HERC3: variants seen among roughly 807,000 people sequenced by gnomAD.
The protein encoded by HERC3 is HECT and RLD domain containing E3 ubiquitin protein ligase 3.
A neutral mutation model predicts 129.9 loss-of-function variants in HERC3; 58 were observed. The ratio of observed to expected loss-of-function variants is 0.45; its 90% CI spans 0.36 to 0.56. The LOEUF is 0.56. HERC3 is among the 20% of genes least tolerant of loss of function. The pLI is 0.00. For synonymous variants in HERC3, 430 were observed against 451.0 expected (o/e 0.95, Z 0.59); for missense variants, 835 against 1,244.2 (o/e 0.67, Z 4.95).
In HERC3 at chr4:88,662,422, A is replaced by T; in HGVS notation, c.1147-9A>T. ...TTTCTTCTTTTTACTGTTACATTTA[A>T]TTCTCCAGAATTATTCTCCTGCTGT... On this transcript the variant is annotated splice_polypyrimidine_tract_variant and intron_variant, in intron 10 of 25. Coordinates refer to ENST00000402738, the MANE Select transcript of HERC3 (RefSeq NM_014606.3). The T allele has an allele frequency of 6.2e-7, 1 of 1,600,086 alleles. No individual in the cohort carries two copies. Among genetic ancestry groups the T allele is most frequent in the Non-Finnish European group, 8.5e-7 (1 of 1,175,700 alleles).
At chr4:88,542,738 C>A in the HERC3 span, among the ~76,000 whole-genome samples, 1 of 152,164 alleles carries the variant, frequency 6.6e-6, no homozygotes, top group African/African-American at 2.4e-5. Flanking sequence ...GCTTATCCAC[C>A]ATGATCAACT....
At chr4:88,694,998 C>CT (rs1388260007) in intron 23 of HERC3, among the ~76,000 whole-genome samples, 1 of 152,104 alleles carries the variant, frequency 6.6e-6, no homozygotes, top group Admixed American at 6.5e-5. Flanking sequence ...TTTCCCAATA[C>CT]TTATGCCTCT....
chr4:88,561,681 A>G, the HERC3 span, among the ~76,000 whole-genome samples: 1 of 151,978 alleles, frequency 6.6e-6, no homozygotes, highest in African/African-American at 2.4e-5. Context: ...TCCAACATCT[A>G]GTGACCATCA....
chr4:88,551,032 G>A, the HERC3 span, among the ~76,000 whole-genome samples: 2 of 147,684 alleles, frequency 1.4e-5, no homozygotes, highest in Non-Finnish European at 3.0e-5. Context: ...CAAGCAATGG[G>A]GAAAGGATTC....
At chr4:88,698,058 G>C (rs1734856138) in intron 23 of HERC3, among the ~76,000 whole-genome samples, 1 of 152,152 alleles carries the variant, frequency 6.6e-6, no homozygotes, top group Admixed American at 6.5e-5. Flanking sequence ...CCCCTGTAGA[G>C]CTGGGCTGGG....
the HERC3 span, among the ~76,000 whole-genome samples, chr4:88,548,625 A>G: frequency 6.7e-6 from 1 of 148,616 alleles, no homozygotes; most frequent in Non-Finnish European, 1.5e-5. Flanking sequence ...CAGATATATG[A>G]TTTGCAAGTA....
the HERC3 span, among the ~76,000 whole-genome samples, chr4:88,538,545 CT>C: frequency 0.26 from 33,569 of 129,598 alleles, 5,112 homozygotes; most frequent in African/African-American, 0.5. Flanking sequence ...CCAATTTCCT[CT>C]TTTTTTTTTT....
chr4:88,586,361 C>CT, the HERC3 span, among the ~76,000 whole-genome samples: 5,037 of 124,886 alleles, frequency 0.04, 120 homozygotes, highest in Middle Eastern at 0.11. Flanking sequence ...TTTTTTCTTT[C>CT]TTTTTTTTTT....
chr4:88,605,652 T>C (rs1723542627), intron 2 of HERC3, 143 bp from the exon 3 acceptor site: 2 of 544,208 alleles, frequency 3.7e-6, no homozygotes, highest in Non-Finnish European at 6.5e-6. Flanking sequence ...TTCAACAGTA[T>C]TAATATGTTT....
At chr4:88,599,935 A>G (rs1057287966) in intron 2 of HERC3, among the ~76,000 whole-genome samples, 1 of 152,196 alleles carries the variant, frequency 6.6e-6, no homozygotes, top group Non-Finnish European at 1.5e-5. Flanking sequence ...TTGGTTATCT[A>G]CTTTCTAAGC....
At chr4:88,590,289 G>A (rs1024747041), upstream of HERC3, among the ~76,000 whole-genome samples, 18 of 151,034 alleles carry the variant, frequency 1.2e-4, no homozygotes, top group Admixed American at 1.2e-3. Context: ...CTCCGGGCGC[G>A]GTGGCTCACG....
chr4:88,672,766 G>C (rs552143610), intron 16 of HERC3, among the ~76,000 whole-genome samples: 3 of 152,276 alleles, frequency 2.0e-5, no homozygotes, highest in South Asian at 4.1e-4. Context: ...AAATTAAATG[G>C]GAGAAAGCAT....
At chr4:88,694,759 GTTTT>G (rs1040134153) in intron 23 of HERC3, among the ~76,000 whole-genome samples, 1 of 152,026 alleles carries the variant, frequency 6.6e-6, no homozygotes, top group African/African-American at 2.4e-5. Flanking sequence ...TGTTATGTTT[GTTTT>G]TTATTTTTAC....
At chr4:88,664,947 G>A (rs1730884446) in intron 12 of HERC3, among the ~76,000 whole-genome samples, 1 of 152,116 alleles carries the variant, frequency 6.6e-6, no homozygotes, top group South Asian at 2.1e-4. Flanking sequence ...ACCTGATGCA[G>A]CAAAAGAGTC....
intron 1 of HERC3, among the ~76,000 whole-genome samples, chr4:88,594,984 T>A (rs906278124): frequency 3.3e-5 from 5 of 150,536 alleles, no homozygotes; most frequent in Non-Finnish European, 7.4e-5. Flanking sequence ...CGCCTGTAAT[T>A]CCAGCTACTT....
Position 88,671,616 on chromosome 4 carries a change from C to T in HERC3, c.1911+1364C>T, listed in dbSNP as rs184773023. On this transcript the variant is annotated intron_variant, in intron 16 of 25. Coordinates refer to ENST00000402738, the MANE Select transcript of HERC3 (RefSeq NM_014606.3). ...TTGGCTCACTGCAACCTCTGCTTCC[C>T]AGGCTCAAGCCATTCTCCCACCTCA... 7.0e-4 allele frequency among the ~76,000 whole-genome samples: 106 copies of T among 152,250 alleles called. No homozygotes were observed. In the East Asian group the frequency reaches 0.02, roughly 29 times the overall value.
Position 88,681,246 on chromosome 4 carries a change from C to G in HERC3, c.2428C>G (p.Pro810Ala). 1 of 1,614,024 alleles carries G rather than the reference C, an allele frequency of 6.2e-7. No homozygotes were observed. Among genetic ancestry groups the G allele is most frequent in the Non-Finnish European group, 8.5e-7 (1 of 1,179,890 alleles). ...CTCCACTGTGGTCGATCTCCACTTC[C>G]CATTGGCTCTCTACAAGAAGTTACT... The part of the protein sequence containing the change: ...YNSTVVDLHF[P>A]LALYKKLLNV... The change falls in exon 21 of 26, where the codon CCA becomes GCA. Residue 810 changes from proline (P) to alanine (A), a missense_variant. Pro to Ala is a conservative substitution (Grantham distance 27, BLOSUM62 -1). Transcript: ENST00000402738.
chr4:88,688,625 T>C (rs1733729529), intron 23 of HERC3, among the ~76,000 whole-genome samples: 1 of 152,214 alleles, frequency 6.6e-6, no homozygotes, highest in South Asian at 2.1e-4. Context: ...GAAAGTTCCA[T>C]TTTGAATATA....
the HERC3 span, among the ~76,000 whole-genome samples, chr4:88,582,740 G>A: frequency 0.26 from 40,079 of 151,944 alleles, 9,833 homozygotes; most frequent in African/African-American, 0.64. Context: ...ACCTTTGTTC[G>A]CAGTGCAGTT....
Sources: gnomAD v4.1 joint callset for allele counts (sites outside exome capture counted in the v4.1 genomes callset) on GRCh38, gnomAD v4.1.1 for gene constraint, MANE v1.5 for transcripts, NCBI Gene and HGNC (gene_info 2026-07-23, HGNC 2026-07-21) for gene names.